Variants in COG5 observed in about 807,000 individuals in gnomAD.
The protein encoded by COG5 is conserved oligomeric Golgi complex subunit 5.
Under a neutral mutation model 110.4 loss-of-function variants are expected in COG5, and 86 were observed. The observed-to-expected ratio is 0.78, with a 90% CI of 0.65 to 0.93. COG5 has a LOEUF of 0.93. Among genes scored for constraint, COG5 ranks in the 40% least tolerant of loss-of-function variants. The probability of loss-of-function intolerance (pLI) is 0.00; values close to 1 mark genes in which losing one functional copy is unlikely to be tolerated. For missense variants in COG5, 1,077 were observed against 987.0 expected (o/e 1.09, Z -1.22); for synonymous variants, 360 against 334.6 (o/e 1.08, Z -0.83).
At chr7:107,543,515 G>T (rs1427444905) in intron 5 of COG5, among the ~76,000 whole-genome samples, 1 of 152,142 alleles carries the variant, frequency 6.6e-6, no homozygotes, top group Non-Finnish European at 1.5e-5. Context: ...CCCCAGACCA[G>T]CCCTCGGCTT....
chr7:107,530,031 G>A (rs1467725184), intron 5 of COG5, among the ~76,000 whole-genome samples: 1 of 152,186 alleles, frequency 6.6e-6, no homozygotes, highest in East Asian at 1.9e-4. Flanking sequence ...CTCTAAGACT[G>A]TCATCCAGAA....
At chr7:107,252,155 A>G (rs1467711708) in intron 16 of COG5, among the ~76,000 whole-genome samples, 1 of 152,148 alleles carries the variant, frequency 6.6e-6, no homozygotes, top group African/African-American at 2.4e-5. Context: ...CAGAAGTTCA[A>G]GGCTGTAGCA....
chr7:107,546,435 G>GTTTTTTTTTTTTTTTTTTTTTT (rs754919944), intron 5 of COG5, among the ~76,000 whole-genome samples: 6 of 119,518 alleles, frequency 5.0e-5, no homozygotes, highest in East Asian at 2.6e-4. Flanking sequence ...TTGGTTTTTT[G>GTTTTTTTTTTTTTTTTTTTTTT]TTTTTTTTTT....
At chr7:107,531,937 G>T (rs950246971) in intron 5 of COG5, among the ~76,000 whole-genome samples, 1 of 152,116 alleles carries the variant, frequency 6.6e-6, no homozygotes, top group Admixed American at 6.6e-5. Flanking sequence ...AGCAGTCGTT[G>T]ATAGCCTCCT....
intron 6 of COG5, among the ~76,000 whole-genome samples, chr7:107,523,403 T>C (rs1800473296): frequency 6.6e-6 from 1 of 152,126 alleles, no homozygotes; most frequent in Non-Finnish European, 1.5e-5. Context: ...ACAGCTTTTT[T>C]TGAAAACTCA....
intron 8 of COG5, among the ~76,000 whole-genome samples, chr7:107,367,558 G>T (rs1490502594): frequency 6.7e-6 from 1 of 149,440 alleles, no homozygotes; most frequent in Non-Finnish European, 1.5e-5. Flanking sequence ...AGAAACTGTT[G>T]TGTATATATA....
At chr7:107,372,109 T>C (rs1814225602) in intron 8 of COG5, among the ~76,000 whole-genome samples, 1 of 152,202 alleles carries the variant, frequency 6.6e-6, no homozygotes, top group Non-Finnish European at 1.5e-5. Flanking sequence ...TAGTTTTCTT[T>C]AGACTTTACT....
chr7:107,435,147 G>A (rs1009858121), intron 6 of COG5, among the ~76,000 whole-genome samples: 2 of 152,114 alleles, frequency 1.3e-5, no homozygotes, highest in African/African-American at 4.8e-5. Flanking sequence ...TTGCCAGCAG[G>A]TGGGGGAGAG....
chr7:107,420,131 A>G (rs924882768), intron 6 of COG5, among the ~76,000 whole-genome samples: 1 of 152,242 alleles, frequency 6.6e-6, no homozygotes, highest in Non-Finnish European at 1.5e-5. Context: ...ATTACATGAT[A>G]GAAAGAATAC....
chr7:107,561,990 A>G (rs897501147), intron 1 of COG5, among the ~76,000 whole-genome samples: 8 of 152,096 alleles, frequency 5.3e-5, no homozygotes, highest in Non-Finnish European at 1.2e-4. Context: ...AAAAAAAAGA[A>G]AGAAAGAAAG....
At chr7:107,421,398 C>T (rs1793279745) in intron 6 of COG5, among the ~76,000 whole-genome samples, 1 of 152,164 alleles carries the variant, frequency 6.6e-6, no homozygotes, top group African/African-American at 2.4e-5. Flanking sequence ...AAAAACAATA[C>T]AAATTCTGCT....
chr7:107,494,160 T>C (rs891797349), intron 6 of COG5, among the ~76,000 whole-genome samples: 8 of 152,206 alleles, frequency 5.3e-5, no homozygotes, highest in Non-Finnish European at 1.2e-4. Flanking sequence ...ATGCATAAGC[T>C]CTCAACCTAC....
Position 107,230,621 on chromosome 7 carries a change from G to C in COG5, c.2162C>G (p.Ser721Ter), listed in dbSNP as rs780204642. 2 of 1,609,994 alleles carry C rather than the reference G, an allele frequency of 1.2e-6. No individual in the cohort carries two copies. Among genetic ancestry groups the C allele is most frequent in the Non-Finnish European group, 1.7e-6 (2 of 1,176,402 alleles). ...DLGKSYRMLR[S>*]FRPLLFQASE... ...ACAAAGAATTCGGTCTTACCTGAAT[G>C]ATCTCAGCATCCGATAGGACTTTCC... Residue 721 changes from serine (S) to a stop codon, truncating the protein, a stop_gained, in exon 19 of 22, where the codon TCA (serine) becomes TGA (stop). Transcript: ENST00000297135. LOFTEE classifies it high-confidence loss of function.
At chr7:107,247,919 G>A (rs1434762153) in intron 17 of COG5, among the ~76,000 whole-genome samples, 5 of 152,188 alleles carry the variant, frequency 3.3e-5, no homozygotes, top group Non-Finnish European at 7.3e-5. Context: ...AGCTTGCCCA[G>A]AGCCAAAGCA....
At chr7:107,417,610 T>C (rs1792960262) in intron 6 of COG5, among the ~76,000 whole-genome samples, 1 of 152,184 alleles carries the variant, frequency 6.6e-6, no homozygotes, top group East Asian at 1.9e-4. Flanking sequence ...AGCTTCTTGA[T>C]ACAAATTATC....
In COG5 at chr7:107,288,486, C is replaced by CT. The variant is rs750132473; in HGVS notation, c.1314-4755dup. ...CTTGACAACACTTGCTACTATTTGT[C>CT]TTTTTGTTTATAGACATCCTAGGGG... On this transcript the variant is annotated intron_variant, in intron 12 of 21. Coordinates refer to ENST00000297135, the MANE Select transcript of COG5 (RefSeq NM_006348.5). 1.4e-3 allele frequency among the ~76,000 whole-genome samples: 217 copies of CT among 152,166 alleles called. 1 individual carries two copies. The highest frequency in any genetic ancestry group is 2.6e-3 in the Non-Finnish European group (178 of 67,982).
intron 10 of COG5, among the ~76,000 whole-genome samples, chr7:107,347,397 T>C (rs1007099541): frequency 1.3e-5 from 2 of 152,164 alleles, no homozygotes; most frequent in African/African-American, 4.8e-5. Context: ...CAAGAAGATA[T>C]CACCCTTAAA....
At chr7:107,287,663 A>C (rs1440097914) in intron 12 of COG5, among the ~76,000 whole-genome samples, 3 of 152,162 alleles carry the variant, frequency 2.0e-5, no homozygotes, top group African/African-American at 4.8e-5. Flanking sequence ...CCCCAGGCCC[A>C]ATCGATCACT....
At chr7:107,545,472 T>A (rs899638583) in intron 5 of COG5, among the ~76,000 whole-genome samples, 1 of 152,096 alleles carries the variant, frequency 6.6e-6, no homozygotes, top group Non-Finnish European at 1.5e-5. Context: ...ACAGGGATGA[T>A]CTATTCAAAG....
Sources: allele counts gnomAD v4.1 joint callset (sites outside exome capture counted in the v4.1 genomes callset), GRCh38; gene constraint gnomAD v4.1.1; transcripts MANE v1.5; gene names NCBI Gene and HGNC (gene_info 2026-07-23, HGNC 2026-07-21).